The following PDSS2 variants were observed in gnomAD, a reference collection of about 807,000 sequenced individuals.
PDSS2 encodes the protein all trans-polyprenyl-diphosphate synthase PDSS2.
PDSS2 carries 31 observed loss-of-function variants against 44.5 expected under a neutral mutation model. The ratio of observed to expected loss-of-function variants is 0.70; its 90% CI spans 0.52 to 0.94. The LOEUF (loss-of-function observed/expected upper bound fraction) is 0.94, where lower values mean the gene tolerates loss of function less well. PDSS2 is among the 40% of genes least tolerant of loss of function. PDSS2 has a pLI of 0.00. For synonymous variants in PDSS2, 157 were observed against 180.3 expected (o/e 0.87, Z 1.03); for missense variants, 452 against 482.2 (o/e 0.94, Z 0.59).
At chr6:107,400,216 C>T (rs138268737) in intron 1 of PDSS2, among the ~76,000 whole-genome samples, 8 of 152,244 alleles carry the variant, frequency 5.3e-5, no homozygotes, top group Admixed American at 2.6e-4. Flanking sequence ...TCCATGCACA[C>T]TCCCAGACCT....
intron 1 of PDSS2, among the ~76,000 whole-genome samples, chr6:107,457,837 G>A (rs1782094588): frequency 6.6e-6 from 1 of 152,118 alleles, no homozygotes; most frequent in Admixed American, 6.5e-5. Context: ...TAAAAGTATT[G>A]TATCAATATT....
intron 2 of PDSS2, among the ~76,000 whole-genome samples, chr6:107,293,952 G>A (rs1776427274): frequency 6.6e-6 from 1 of 152,176 alleles, no homozygotes; most frequent in South Asian, 2.1e-4. Context: ...CAGGCATTGA[G>A]TTCTGAATTG....
At chr6:107,269,366 GT>G (rs1410459055) in intron 3 of PDSS2, among the ~76,000 whole-genome samples, 132 of 151,776 alleles carry the variant, frequency 8.7e-4, no homozygotes, top group African/African-American at 3.1e-3. Flanking sequence ...GTGTGTGTGT[GT>G]GTGTGTGTGC....
chr6:107,388,819 T>C (rs1478075327), intron 1 of PDSS2, among the ~76,000 whole-genome samples: 5 of 152,114 alleles, frequency 3.3e-5, no homozygotes, highest in African/African-American at 1.2e-4. Context: ...CCACATGTCA[T>C]TTAAAAGAAG....
chr6:107,212,377 T>G, intron 4 of PDSS2, 95 bp from the exon 5 acceptor site: 1 of 921,196 alleles, frequency 1.1e-6, no homozygotes, highest in Non-Finnish European at 1.6e-6. Flanking sequence ...AACGAACTAT[T>G]CAAAAACACT....
In PDSS2 at chr6:107,187,402, C is replaced by T. The variant is rs1016415646; in HGVS notation, c.1041+6420G>A. 6.6e-5 allele frequency among the ~76,000 whole-genome samples: 10 copies of T among 152,266 alleles called. No individual in the cohort carries two copies. The South Asian group carries it at 1.0e-3, about 16-fold the overall frequency. ...TCTTAAGGCCCGGTGTGGTGGCTCA[C>T]GCCTGTAATTCCAACACTTTGGGAG... On this transcript the variant is annotated intron_variant, in intron 7 of 7. Transcript: ENST00000369037.
At chr6:107,168,765 G>C (rs1421675928) in intron 7 of PDSS2, among the ~76,000 whole-genome samples, 5 of 151,790 alleles carry the variant, frequency 3.3e-5, no homozygotes, top group African/African-American at 1.2e-4. Flanking sequence ...TGAAATTCTG[G>C]GTTGAAAATT....
chr6:107,173,274 A>G (rs1554249062), intron 7 of PDSS2, among the ~76,000 whole-genome samples: 1 of 151,562 alleles, frequency 6.6e-6, no homozygotes, highest in Non-Finnish European at 1.5e-5. Context: ...TAGTGGATTT[A>G]TATTGAACAG....
At chr6:107,302,654 A>G (rs1273885597) in intron 2 of PDSS2, among the ~76,000 whole-genome samples, 1 of 152,152 alleles carries the variant, frequency 6.6e-6, no homozygotes, top group Non-Finnish European at 1.5e-5. Context: ...GAGTCTTTAA[A>G]AAACATCACA....
At position 107,448,088 on chromosome 6, in the gene PDSS2, G is replaced by A. The variant is rs1014028665; in HGVS notation, c.296+10902C>T. Reference sequence around the variant, plus strand: ...CCAAGTCCAGAAGCTGCATACAGCAGGGGGGGCTGGACCTGGCCCAGGAAA... The same window carrying A: ...CCAAGTCCAGAAGCTGCATACAGCAAGGGGGGCTGGACCTGGCCCAGGAAA... On this transcript the variant is annotated intron_variant, in intron 1 of 7. Transcript: ENST00000369037. Among the ~76,000 whole-genome samples the A allele has an allele frequency of 1.3e-4, 20 of 152,228 alleles. 1 individual carries two copies. Among genetic ancestry groups the A allele is most frequent in the African/African-American group, 4.8e-4 (20 of 41,534 alleles).
chr6:107,458,948 T>C, intron 1 of PDSS2, 42 bp downstream of exon 1: 1 of 1,595,208 alleles, frequency 6.3e-7, no homozygotes. Flanking sequence ...AAAAAAGTAT[T>C]CCAATGAGTG....
At chr6:107,314,823 C>T (rs890663730) in intron 2 of PDSS2, among the ~76,000 whole-genome samples, 27 of 152,314 alleles carry the variant, frequency 1.8e-4, no homozygotes, top group Middle Eastern at 3.4e-3. Flanking sequence ...TTATCTAACA[C>T]AGCATATTAA....
At position 107,209,240 on chromosome 6, in the gene PDSS2, C is replaced by T. The variant is rs148999911; in HGVS notation, c.1008+1199G>A. Among the ~76,000 whole-genome samples, 107 of 152,238 alleles carry T rather than the reference C, an allele frequency of 7.0e-4. 2 individuals are homozygous for T. Among genetic ancestry groups the T allele is most frequent in the African/African-American group, 2.4e-3 (100 of 41,556 alleles). On this transcript the variant is annotated intron_variant, in intron 6 of 7. Transcript: ENST00000369037. Reference sequence around the variant, plus strand: ...TCGTGGAAGCAGCTTTTCTCAAATGCCCAGTGGTCCTCTTTTCCTATTCTG... The same window carrying T: ...TCGTGGAAGCAGCTTTTCTCAAATGTCCAGTGGTCCTCTTTTCCTATTCTG...
At chr6:107,302,916 TTTTAG>T (rs1481292219) in intron 2 of PDSS2, among the ~76,000 whole-genome samples, 1 of 152,124 alleles carries the variant, frequency 6.6e-6, no homozygotes, top group Non-Finnish European at 1.5e-5. Context: ...TAAAATGATA[TTTTAG>T]TTTAAAAATA....
intron 1 of PDSS2, among the ~76,000 whole-genome samples, chr6:107,364,411 G>T (rs566056502): frequency 1.6e-4 from 25 of 152,364 alleles, no homozygotes; most frequent in South Asian, 6.2e-4. Context: ...CTAAGGCCCG[G>T]CGAGAAATCG....
intron 3 of PDSS2, among the ~76,000 whole-genome samples, chr6:107,247,198 C>G (rs1774650673): frequency 6.6e-6 from 1 of 152,190 alleles, no homozygotes; most frequent in African/African-American, 2.4e-5. Context: ...ATCAATCACT[C>G]ACTAAGAAAT....
At chr6:107,261,411 C>T (rs1246170200) in intron 3 of PDSS2, among the ~76,000 whole-genome samples, 3 of 152,138 alleles carry the variant, frequency 2.0e-5, no homozygotes, top group Admixed American at 6.5e-5. Context: ...CACCATGTGA[C>T]GTCCCTGCTC....
At chr6:107,255,338 G>A (rs182458744) in intron 3 of PDSS2, among the ~76,000 whole-genome samples, 24 of 151,538 alleles carry the variant, frequency 1.6e-4, no homozygotes, top group East Asian at 3.9e-4. Context: ...GATTACAGGC[G>A]TCTGCTACCA....
intron 6 of PDSS2, among the ~76,000 whole-genome samples, chr6:107,209,975 T>TCCCCCC (rs890651477): frequency 1.3e-5 from 2 of 151,854 alleles, no homozygotes; most frequent in African/African-American, 4.8e-5. Flanking sequence ...CATGCTTTTT[T>TCCCCCC]CCCCCCCGCT....
Sources: gnomAD v4.1 joint callset for allele counts (sites outside exome capture counted in the v4.1 genomes callset) on GRCh38, gnomAD v4.1.1 for gene constraint, MANE v1.5 for transcripts, NCBI Gene and HGNC (gene_info 2026-07-23, HGNC 2026-07-21) for gene names.